Variants in LRP2 observed in about 807,000 individuals in gnomAD.
LRP2 encodes the protein low-density lipoprotein receptor-related protein 2.
LRP2 carries 172 observed loss-of-function variants against 531.0 expected under a neutral mutation model. The observed-to-expected ratio is 0.32, with a 90% CI of 0.29 to 0.37. The LOEUF (loss-of-function observed/expected upper bound fraction) is 0.37, where lower values mean the gene tolerates loss of function less well. Among genes scored for constraint, LRP2 ranks in the 10% least tolerant of loss-of-function variants. The pLI is 1.00. For synonymous variants in LRP2, 1,992 were observed against 2,027.6 expected (o/e 0.98, Z 0.47); for missense variants, 5,167 against 5,868.3 (o/e 0.88, Z 3.90).
intron 58 of LRP2, among the ~76,000 whole-genome samples, chr2:169,171,055 C>T (rs1423855858): frequency 6.6e-6 from 1 of 150,876 alleles, no homozygotes; most frequent in African/African-American, 2.4e-5. Context: ...TCCACCATGC[C>T]CAGCTTGATT....
chr2:169,260,168 C>T (rs1160938610), intron 16 of LRP2, among the ~76,000 whole-genome samples: 1 of 152,048 alleles, frequency 6.6e-6, no homozygotes, highest in East Asian at 1.9e-4. Flanking sequence ...AGTGTGGACA[C>T]CACCCTCAAG....
In LRP2 at chr2:169,209,711, C is replaced by A. The variant is rs1574136160; in HGVS notation, c.6281-70G>T. The A allele has an allele frequency of 2.1e-6, 3 of 1,402,020 alleles. No individual in the cohort carries two copies. The East Asian group carries it at 7.3e-5, about 34-fold the overall frequency. 86.8% of individuals were successfully genotyped at this position (1,402,020 alleles called of 1,614,324 possible). A position where few individuals can be genotyped will look rare whatever the true frequency, so the allele number is the denominator to read the frequency against. ...TAGAACTTTTAAATGTCTGCCCTTC[C>A]TCTCAAACCCTCATTCCCAACCCCC... On this transcript the variant is annotated intron_variant, in intron 37 of 78. Transcript: ENST00000649046.
At chr2:169,191,587 C>A (rs1687829613) in intron 48 of LRP2, among the ~76,000 whole-genome samples, 1 of 151,804 alleles carries the variant, frequency 6.6e-6, no homozygotes, top group Admixed American at 6.6e-5. Flanking sequence ...CAAGTAACTT[C>A]TTTTCATTTT....
chr2:169,311,777 T>A (rs563734596), intron 3 of LRP2, among the ~76,000 whole-genome samples: 15 of 152,328 alleles, frequency 9.8e-5, no homozygotes, highest in Admixed American at 8.5e-4. Context: ...GTCTCGTGGA[T>A]CTGTCTAATG....
At chr2:169,289,252 G>T in intron 8 of LRP2, 107 bp from the exon 9 acceptor site, 1 of 1,412,130 alleles carries the variant, frequency 7.1e-7, no homozygotes, top group Non-Finnish European at 9.9e-7. Flanking sequence ...GCATGAAGTA[G>T]ATGTACAGAA....
intron 67 of LRP2, among the ~76,000 whole-genome samples, chr2:169,151,509 T>C (rs1686124950): frequency 6.6e-6 from 1 of 152,142 alleles, no homozygotes; most frequent in African/African-American, 2.4e-5. Flanking sequence ...CCCATGAGTC[T>C]GTTTCCTCCT....
intron 1 of LRP2, among the ~76,000 whole-genome samples, chr2:169,327,322 C>T (rs1277379758): frequency 8.5e-5 from 10 of 117,066 alleles, no homozygotes; most frequent in African/African-American, 3.0e-4. Context: ...TGGGGTCAGC[C>T]CCCCGCCCGG....
chr2:169,187,254 A>G (rs1004635113), intron 49 of LRP2, among the ~76,000 whole-genome samples: 4 of 152,204 alleles, frequency 2.6e-5, no homozygotes, highest in Non-Finnish European at 5.9e-5. Flanking sequence ...GTTATTTCAT[A>G]TAAATCTTAT....
chr2:169,310,128 G>A (rs1019707427), intron 3 of LRP2, among the ~76,000 whole-genome samples: 6 of 152,194 alleles, frequency 3.9e-5, no homozygotes, highest in African/African-American at 7.2e-5. Flanking sequence ...TTTGGGCTGA[G>A]ACGATGGGGT....
At chr2:169,197,965 T>G (rs946607139) in intron 45 of LRP2, among the ~76,000 whole-genome samples, 4 of 152,220 alleles carry the variant, frequency 2.6e-5, no homozygotes, top group African/African-American at 9.6e-5. Flanking sequence ...CCTTAAATTA[T>G]GTATCTATTT....
intron 23 of LRP2, 90 bp downstream of exon 23, chr2:169,243,313 T>A: frequency 6.8e-7 from 1 of 1,465,438 alleles, no homozygotes; most frequent in Non-Finnish European, 9.5e-7. Context: ...CAGGCCCCGG[T>A]GTGTGATGTT....
intron 63 of LRP2, 39 bp downstream of exon 63, chr2:169,162,433 A>G (rs780324858): frequency 1.2e-6 from 2 of 1,611,292 alleles, no homozygotes; most frequent in Non-Finnish European, 1.7e-6. Context: ...GGTAAACCTG[A>G]GTTACTACAA....
intron 46 of LRP2, 140 bp from the exon 47 acceptor site, chr2:169,194,032 C>A: frequency 1.1e-6 from 1 of 886,456 alleles, no homozygotes; most frequent in Non-Finnish European, 1.8e-6. Flanking sequence ...GGTAGTCCTC[C>A]AATAAGACTA....
At position 169,154,615 on chromosome 2, in the gene LRP2, C is replaced by T. The variant is rs752554840; in HGVS notation, c.12152-12G>A. On this transcript the variant is annotated splice_polypyrimidine_tract_variant and intron_variant, in intron 65 of 78. Coordinates refer to ENST00000649046, the MANE Select transcript of LRP2 (RefSeq NM_004525.3). ...CAAAGGAGAGCTACCTGTAAACAAA[C>T]AAAGGGCTACTTTATCTGTTTGAAT... 3.1e-6 allele frequency: 5 copies of T among 1,612,792 alleles called. No homozygotes were observed. The highest frequency in any genetic ancestry group is 2.5e-6 in the Non-Finnish European group (3 of 1,178,998).
chr2:169,142,692 T>C lies in LRP2; in HGVS notation c.13090A>G (p.Thr4364Ala), dbSNP rs769878611. 4.0e-5 allele frequency: 64 copies of C among 1,613,958 alleles called. No individual in the cohort carries two copies. Among genetic ancestry groups the C allele is most frequent in the Non-Finnish European group, 5.3e-5 (62 of 1,179,940 alleles). ...CTCCTACCTGCATCACACTCAGTGG[T>C]GCTCCCCTCTATAAAGCTGGAGCCT... ...PQGSSFIEGS[T>A]TECDAAIELP... The change falls in exon 71 of 79, where the codon ACC (threonine) becomes GCC (alanine). Residue 4364 changes from threonine to alanine, a missense_variant. By Grantham distance (58) the Thr-to-Ala change is moderately conservative. Around this residue, in one of 6 missense-constraint regions of LRP2, gnomAD observed 348 missense variants for 369.3 expected, o/e 0.94. Transcript: ENST00000649046.
chr2:169,265,390 C>A (rs1209089135), intron 16 of LRP2, among the ~76,000 whole-genome samples: 1 of 152,000 alleles, frequency 6.6e-6, no homozygotes, highest in Non-Finnish European at 1.5e-5. Context: ...GGTTTTATAA[C>A]CTCACCCTTA....
chr2:169,166,134 G>C (rs1686774467), intron 61 of LRP2, 80 bp from the exon 62 acceptor site: 1 of 1,473,950 alleles, frequency 6.8e-7, no homozygotes, highest in Non-Finnish European at 9.5e-7. Context: ...TCCAGTGTCA[G>C]CACCAGGCTT....
intron 52 of LRP2, among the ~76,000 whole-genome samples, chr2:169,179,026 T>A (rs1477713919): frequency 3.3e-5 from 5 of 151,398 alleles, no homozygotes; most frequent in African/African-American, 1.2e-4. Flanking sequence ...TATTTATTTA[T>A]CTAGAGATAG....
intron 68 of LRP2, among the ~76,000 whole-genome samples, chr2:169,149,538 C>A (rs1156338784): frequency 1.3e-5 from 2 of 152,212 alleles, no homozygotes; most frequent in South Asian, 4.2e-4. Flanking sequence ...ATTACAAAGA[C>A]TAAAATAAGA....
Sources: allele counts gnomAD v4.1 joint callset (sites outside exome capture counted in the v4.1 genomes callset), GRCh38; gene constraint gnomAD v4.1.1; regional missense constraint gnomAD v4.1.1; transcripts MANE v1.5; gene names NCBI Gene and HGNC (gene_info 2026-07-23, HGNC 2026-07-21).